The following MSI2 variants were observed in gnomAD, a reference collection of about 807,000 sequenced individuals.
MSI2 encodes RNA-binding protein Musashi homolog 2.
A neutral mutation model predicts 45.6 loss-of-function variants in MSI2; 17 were observed. The observed-to-expected ratio is 0.37, with a 90% CI of 0.26 to 0.56. The LOEUF (loss-of-function observed/expected upper bound fraction) is 0.56. Ranked by LOEUF, MSI2 falls within the 20% of genes least tolerant of loss-of-function variation. The pLI, the probability that MSI2 is intolerant of heterozygous loss-of-function variation, is 0.77. For synonymous variants in MSI2, 156 were observed against 158.2 expected, an observed-to-expected ratio of 0.99 and a Z score of 0.11; for missense variants, 293 against 444.2, an observed-to-expected ratio of 0.66 and a Z score of 3.06.
chr17:57,480,686 T>G (rs776483976), intron 6 of MSI2, among the ~76,000 whole-genome samples: 5 of 152,182 alleles, frequency 3.3e-5, no homozygotes, highest in Non-Finnish European at 7.4e-5. Context: ...GAAAGAGATT[T>G]AGCTCAAAAA....
intron 6 of MSI2, among the ~76,000 whole-genome samples, chr17:57,418,247 G>A (rs1542126): frequency 0.15 from 22,782 of 152,172 alleles, 2,211 homozygotes; most frequent in African/African-American, 0.27. Flanking sequence ...AGTCCTAGTC[G>A]TCAACTTGAC....
intron 5 of MSI2, among the ~76,000 whole-genome samples, chr17:57,370,268 A>G (rs916821339): frequency 3.3e-5 from 5 of 152,210 alleles, no homozygotes; most frequent in African/African-American, 1.2e-4. Flanking sequence ...TAATCGAAAT[A>G]TCTTAAACAT....
At chr17:57,640,196 C>T (rs1287661662) in intron 10 of MSI2, among the ~76,000 whole-genome samples, 1 of 152,180 alleles carries the variant, frequency 6.6e-6, no homozygotes, top group Non-Finnish European at 1.5e-5. Context: ...CTCCAGGCTC[C>T]GCATTCATGC....
chr17:57,357,346 G>A (rs995125168), intron 5 of MSI2, among the ~76,000 whole-genome samples: 3 of 152,060 alleles, frequency 2.0e-5, no homozygotes, highest in African/African-American at 7.2e-5. Flanking sequence ...AGAGTCCACC[G>A]CCGGTGGGAA....
chr17:57,443,962 C>T (rs2084848939), intron 6 of MSI2, among the ~76,000 whole-genome samples: 2 of 152,116 alleles, frequency 1.3e-5, no homozygotes, highest in South Asian at 2.1e-4. Context: ...GATGCCCTAA[C>T]GGATTCTCAG....
chr17:57,455,546 C>A (rs756962978), intron 6 of MSI2, among the ~76,000 whole-genome samples: 9 of 152,132 alleles, frequency 5.9e-5, no homozygotes, highest in Non-Finnish European at 1.0e-4. Flanking sequence ...AAAAAGAGAT[C>A]GTCTTTAAAC....
intron 6 of MSI2, among the ~76,000 whole-genome samples, chr17:57,429,123 TG>T (rs2084547280): frequency 6.6e-6 from 1 of 152,136 alleles, no homozygotes; most frequent in African/African-American, 2.4e-5. Flanking sequence ...TGGATCTGCG[TG>T]TCCTCAGTCT....
At chr17:57,317,002 T>C (rs1912902782) in intron 5 of MSI2, among the ~76,000 whole-genome samples, 1 of 151,850 alleles carries the variant, frequency 6.6e-6, no homozygotes, top group South Asian at 2.1e-4. Flanking sequence ...TTTGTTTCCA[T>C]TGCCCACAAG....
At position 57,352,368 on chromosome 17, in the gene MSI2, T is replaced by C. The variant is rs138155926; in HGVS notation, c.313-49011T>C. On this transcript the variant is annotated intron_variant, in intron 5 of 13. Transcript: ENST00000284073. ...ATTCTTTTGATTTCTGGAACTTAGA[T>C]GTCTGAATAGAGGACTCGATGTTTG... Among the ~76,000 whole-genome samples, 7 of 152,330 alleles carry C rather than the reference T, an allele frequency of 4.6e-5. No homozygotes were observed. In the East Asian group the frequency reaches 1.4e-3, roughly 29 times the overall value.
intron 8 of MSI2, among the ~76,000 whole-genome samples, chr17:57,605,599 C>G (rs570491166): frequency 8.5e-5 from 13 of 152,226 alleles, no homozygotes; most frequent in Non-Finnish European, 1.0e-4. Flanking sequence ...GCCTCTTCCC[C>G]GCGCAGAAGG....
At chr17:57,293,587 G>GTTTTTTTTTTTTTTTTTTTTTTTT (rs769797340) in intron 5 of MSI2, among the ~76,000 whole-genome samples, 2 of 65,374 alleles carry the variant, frequency 3.1e-5, no homozygotes, top group Non-Finnish European at 8.7e-5. Context: ...GTGCTTTATT[G>GTTTTTTTTTTTTTTTTTTTTTTTT]TTTTTTTGTT....
At chr17:57,271,092 T>G (rs1199598207) in intron 5 of MSI2, among the ~76,000 whole-genome samples, 1 of 152,206 alleles carries the variant, frequency 6.6e-6, no homozygotes, top group Non-Finnish European at 1.5e-5. Flanking sequence ...GTGAGAGGTC[T>G]CCCCATGAGT....
intron 5 of MSI2, among the ~76,000 whole-genome samples, chr17:57,400,595 T>C (rs1393003191): frequency 1.3e-5 from 2 of 152,010 alleles, no homozygotes; most frequent in African/African-American, 4.8e-5. Flanking sequence ...AAGACAGGGA[T>C]ATGGAGACAC....
chr17:57,701,552 G>C, the MSI2 span, among the ~76,000 whole-genome samples: 1 of 150,988 alleles, frequency 6.6e-6, no homozygotes, highest in Non-Finnish European at 1.5e-5. Flanking sequence ...CTCCAGAACT[G>C]TGAGAAATAA....
chr17:57,464,315 G>A (rs564486352), intron 6 of MSI2, among the ~76,000 whole-genome samples: 27 of 150,742 alleles, frequency 1.8e-4, no homozygotes, highest in Admixed American at 6.6e-4. Flanking sequence ...GTGGTGGCAC[G>A]TGCCTATAGT....
chr17:57,389,210 C>T (rs918849842), intron 5 of MSI2, among the ~76,000 whole-genome samples: 6 of 152,112 alleles, frequency 3.9e-5, no homozygotes, highest in African/African-American at 1.4e-4. Context: ...AACTCCTGAC[C>T]TCATGATCCG....
At chr17:57,500,798 A>T (rs1194919446) in intron 6 of MSI2, among the ~76,000 whole-genome samples, 2 of 151,526 alleles carry the variant, frequency 1.3e-5, no homozygotes, top group Non-Finnish European at 2.9e-5. Context: ...ACCAAAAAAA[A>T]AAAAAAAAAA....
intron 5 of MSI2, among the ~76,000 whole-genome samples, chr17:57,361,803 A>G (rs1464734937): frequency 1.3e-5 from 2 of 152,208 alleles, no homozygotes; most frequent in African/African-American, 2.4e-5. Flanking sequence ...GTGGACCCAC[A>G]TGGTTTACAC....
intron 5 of MSI2, among the ~76,000 whole-genome samples, chr17:57,329,610 T>A (rs1914083690): frequency 1.3e-5 from 2 of 151,964 alleles, no homozygotes; most frequent in Non-Finnish European, 2.9e-5. Flanking sequence ...TCACTGAGGG[T>A]ATATAGAGGT....
Sources: allele counts gnomAD v4.1 joint callset (sites outside exome capture counted in the v4.1 genomes callset), GRCh38; gene constraint gnomAD v4.1.1; transcripts MANE v1.5; gene names NCBI Gene and HGNC (gene_info 2026-07-23, HGNC 2026-07-21).